ARHGAP20: variants seen among roughly 807,000 people sequenced by gnomAD.
ARHGAP20 encodes the protein rho GTPase-activating protein 20.
In ARHGAP20, 34 loss-of-function variants were observed where a neutral mutation model predicts 73.7. The observed-to-expected ratio is 0.46, with a 90% CI of 0.35 to 0.61. The LOEUF (loss-of-function observed/expected upper bound fraction) is 0.61. Among genes scored for constraint, ARHGAP20 ranks in the 20% least tolerant of loss-of-function variants. The pLI, the probability that ARHGAP20 is intolerant of heterozygous loss-of-function variation, is 0.00. For missense variants in ARHGAP20, 1,314 were observed against 1,420.9 expected (o/e 0.92, Z 1.21); for synonymous variants, 523 against 518.2 (o/e 1.01, Z -0.13).
chr11:110,622,049 T>C (rs998561322), intron 4 of ARHGAP20, among the ~76,000 whole-genome samples: 3 of 152,240 alleles, frequency 2.0e-5, no homozygotes, highest in Non-Finnish European at 2.9e-5. Flanking sequence ...TGTTTATACA[T>C]AGAATTTGGA....
At chr11:110,609,933 T>C (rs531010741) in intron 7 of ARHGAP20, among the ~76,000 whole-genome samples, 25 of 152,286 alleles carry the variant, frequency 1.6e-4, no homozygotes, top group African/African-American at 6.0e-4. Flanking sequence ...AAATCCTTTC[T>C]TTTTATATAG....
At chr11:110,643,639 T>A (rs1373964415) in intron 2 of ARHGAP20, among the ~76,000 whole-genome samples, 1 of 151,884 alleles carries the variant, frequency 6.6e-6, no homozygotes, top group African/African-American at 2.4e-5. Context: ...GTATGCTTTG[T>A]ATGATTTTTT....
intron 4 of ARHGAP20, among the ~76,000 whole-genome samples, chr11:110,618,723 G>C (rs1373874653): frequency 6.9e-6 from 1 of 144,208 alleles, no homozygotes; most frequent in Non-Finnish European, 1.5e-5. Context: ...TATGCAGTGA[G>C]AGTGTATGCA....
chr11:110,677,737 A>C (rs1236208419), intron 2 of ARHGAP20, among the ~76,000 whole-genome samples: 2 of 152,118 alleles, frequency 1.3e-5, no homozygotes, highest in Non-Finnish European at 2.9e-5. Flanking sequence ...AATAACAAGC[A>C]CTGGTAAGGA....
chr11:110,698,533 A>G (rs1024524163), intron 1 of ARHGAP20, among the ~76,000 whole-genome samples: 1 of 151,840 alleles, frequency 6.6e-6, no homozygotes, highest in African/African-American at 2.4e-5. Flanking sequence ...TCAACTGTGA[A>G]TCTGTCTGGT....
chr11:110,633,527 G>C (rs1425585370), intron 2 of ARHGAP20, among the ~76,000 whole-genome samples: 1 of 152,004 alleles, frequency 6.6e-6, no homozygotes, highest in African/African-American at 2.4e-5. Context: ...TGTGTTTTTT[G>C]ACTCACCATT....
At chr11:110,609,637 C>T (rs1251891424) in intron 7 of ARHGAP20, among the ~76,000 whole-genome samples, 2 of 152,124 alleles carry the variant, frequency 1.3e-5, no homozygotes, top group East Asian at 3.9e-4. Flanking sequence ...TATAATCCAG[C>T]AACATTATAA....
chr11:110,579,766 C>T lies in ARHGAP20; in HGVS notation c.3180G>A (p.Glu1060=). 1 of 1,613,990 alleles carries T rather than the reference C, an allele frequency of 6.2e-7. No homozygotes were observed. Among genetic ancestry groups the T allele is most frequent in the Non-Finnish European group, 8.5e-7 (1 of 1,179,986 alleles). ...LKKKAKAARP[E]EEKIASPKGP... is the part of the protein sequence containing the mutation. The stretch of plus-strand genomic sequence containing the variant: ...CTTTTGGAGAAGCTATTTTCTCTTC[C>T]TCTGGTCTGGCTGCCTTTGCTTTCT... The change falls in exon 15 of 15, where the codon GAG becomes GAA. Residue 1060 remains glutamate (E), a synonymous_variant. Coordinates refer to ENST00000683387, the MANE Select transcript of ARHGAP20 (RefSeq NM_001384657.1).
At chr11:110,643,730 C>T (rs574904295) in intron 2 of ARHGAP20, among the ~76,000 whole-genome samples, 6 of 151,958 alleles carry the variant, frequency 3.9e-5, no homozygotes, top group African/African-American at 1.4e-4. Context: ...GAAGAATCTT[C>T]TGTGGTTGTT....
rs1247386949 is a variant in ARHGAP20 at position 110,586,503 on chromosome 11, T to C, written c.1306-178A>G. On this transcript the variant is annotated intron_variant, in intron 11 of 14. Transcript: ENST00000683387. ...GACACAGAAACATGTACTTTGATTT[T>C]CTTATAGCAAAGATCATTGGGATAA... Among the ~76,000 whole-genome samples, 3 of 152,328 alleles carry C rather than the reference T, an allele frequency of 2.0e-5. No individual in the cohort carries two copies. In the East Asian group the frequency reaches 5.8e-4, roughly 29 times the overall value.
intron 3 of ARHGAP20, among the ~76,000 whole-genome samples, chr11:110,626,249 T>C (rs770442304): frequency 6.6e-6 from 1 of 152,196 alleles, no homozygotes; most frequent in Non-Finnish European, 1.5e-5. Flanking sequence ...TCTATCTCAG[T>C]AGATGCTGCA....
intron 1 of ARHGAP20, among the ~76,000 whole-genome samples, chr11:110,707,876 T>A (rs1308938677): frequency 1.4e-5 from 2 of 145,458 alleles, no homozygotes; most frequent in Non-Finnish European, 3.0e-5. Context: ...TTTTTTTTTG[T>A]CTCTTCCTCT....
At chr11:110,581,488 G>GTAAAAAATATGAAGGAA in intron 14 of ARHGAP20, among the ~76,000 whole-genome samples, 1 of 152,278 alleles carries the variant, frequency 6.6e-6, no homozygotes, top group East Asian at 1.9e-4. Flanking sequence ...CCAAGAAATG[G>GTAAAAAATATGAAGGAA]TAAAAAATAT....
intron 2 of ARHGAP20, among the ~76,000 whole-genome samples, chr11:110,677,338 C>T (rs1949951980): frequency 6.6e-6 from 1 of 152,142 alleles, no homozygotes; most frequent in African/African-American, 2.4e-5. Flanking sequence ...TGAGCAACAT[C>T]ATTAGAGAAA....
intron 2 of ARHGAP20, among the ~76,000 whole-genome samples, chr11:110,634,308 T>C (rs1948918623): frequency 6.6e-6 from 1 of 152,030 alleles, no homozygotes; most frequent in African/African-American, 2.4e-5. Flanking sequence ...CACTAGAAGG[T>C]GACTTTAAGG....
chr11:110,617,728 C>T (rs1948514854), intron 4 of ARHGAP20, among the ~76,000 whole-genome samples: 1 of 152,150 alleles, frequency 6.6e-6, no homozygotes, highest in Non-Finnish European at 1.5e-5. Context: ...GACTCCCTTT[C>T]TTTAGTAATT....
intron 1 of ARHGAP20, among the ~76,000 whole-genome samples, chr11:110,709,010 A>G (rs1486360241): frequency 1.3e-5 from 2 of 152,174 alleles, no homozygotes; most frequent in African/African-American, 4.8e-5. Context: ...GCGTTCCATC[A>G]TTACACAATG....
At chr11:110,665,759 G>T (rs1221357035) in intron 2 of ARHGAP20, among the ~76,000 whole-genome samples, 2 of 152,156 alleles carry the variant, frequency 1.3e-5, no homozygotes, top group African/African-American at 2.4e-5. Context: ...AATTACCTGA[G>T]GCTGGGAAAA....
chr11:110,606,618 T>C lies in ARHGAP20; in HGVS notation c.907A>G (p.Met303Val). ...PFLMEQLPRE[M>V]QCQFILKPSR... ...GGCTTCAGGATGAACTGGCACTGCA[T>C]CTCTCGGGGGAGCTGTTCCATAAGG... The change falls in exon 9 of 15, where the codon ATG (methionine) becomes GTG (valine). Residue 303 changes from methionine (M) to valine (V), a missense_variant. By Grantham distance (21) the Met-to-Val change is conservative (BLOSUM62 1). Transcript: ENST00000683387. 1 of 1,612,940 alleles carries C rather than the reference T, an allele frequency of 6.2e-7. No homozygotes were observed. Among genetic ancestry groups the C allele is most frequent in the South Asian group, 1.1e-5 (1 of 91,014 alleles).
Sources: gnomAD v4.1 joint callset for allele counts (sites outside exome capture counted in the v4.1 genomes callset) on GRCh38, gnomAD v4.1.1 for gene constraint, MANE v1.5 for transcripts, NCBI Gene and HGNC (gene_info 2026-07-23, HGNC 2026-07-21) for gene names.